The following PTPN14 variants were observed in gnomAD, a reference collection of about 807,000 sequenced individuals.
PTPN14 encodes the protein protein tyrosine phosphatase non-receptor type 14.
PTPN14 carries 53 observed loss-of-function variants against 126.8 expected under a neutral mutation model. The ratio of observed to expected loss-of-function variants is 0.42; its 90% CI spans 0.34 to 0.53. The LOEUF (loss-of-function observed/expected upper bound fraction) is 0.53. Ranked by LOEUF, PTPN14 falls within the 20% of genes least tolerant of loss-of-function variation. PTPN14 has a pLI of 0.08. For missense variants in PTPN14, 1,257 were observed against 1,552.9 expected (o/e 0.81, Z 3.20); for synonymous variants, 630 against 599.3 (o/e 1.05, Z -0.75).
intron 1 of PTPN14, among the ~76,000 whole-genome samples, chr1:214,471,420 G>A (rs972604544): frequency 6.6e-6 from 1 of 152,206 alleles, no homozygotes; most frequent in South Asian, 2.1e-4. Flanking sequence ...ACTCACTTAT[G>A]AAGTTAATAC....
chr1:214,541,653 T>C (rs1219587367), intron 1 of PTPN14, among the ~76,000 whole-genome samples: 1 of 152,212 alleles, frequency 6.6e-6, no homozygotes, highest in African/African-American at 2.4e-5. Context: ...GATGGTGATT[T>C]ACCTGTCCAT....
intron 4 of PTPN14, among the ~76,000 whole-genome samples, chr1:214,413,538 T>A (rs1424236873): frequency 6.6e-6 from 1 of 152,126 alleles, no homozygotes; most frequent in Admixed American, 6.5e-5. Flanking sequence ...AAAACAACAG[T>A]CCATGCAGGA....
rs1262596291 is a variant in PTPN14, at chr1:214,470,797, A to AC, written c.-154-5841_-154-5840insG. Reference sequence around the variant, plus strand: ...GAAATTCCATCTCAAAAAAAAAAAAAAAAACTGCACTTGAGTGCCCAACCG... The same window carrying AC: ...GAAATTCCATCTCAAAAAAAAAAAAACAAAACTGCACTTGAGTGCCCAACCG... On this transcript the variant is annotated intron_variant, in intron 1 of 18. Transcript: ENST00000366956. Among the ~76,000 whole-genome samples, 7 of 149,532 alleles carry AC rather than the reference A, an allele frequency of 4.7e-5. No individual in the cohort carries two copies. In the South Asian group the frequency reaches 6.4e-4, roughly 14 times the overall value.
chr1:214,503,538 T>C (rs1408863757), intron 1 of PTPN14, among the ~76,000 whole-genome samples: 2 of 152,236 alleles, frequency 1.3e-5, no homozygotes, highest in African/African-American at 4.8e-5. Flanking sequence ...CTATTTTCAC[T>C]TCAAATCTCG....
rs549847772 is a variant in PTPN14, at chr1:214,397,938, T to C, written c.733A>G (p.Ile245Val). Residue 245 changes from isoleucine to valine, a missense_variant, in exon 8 of 19, where the codon ATT becomes GTT. Physicochemically the swap from Ile to Val is conservative, Grantham distance 29 (BLOSUM62 3). Coordinates refer to ENST00000366956, the MANE Select transcript of PTPN14 (RefSeq NM_005401.5). Reference sequence around the variant, plus strand: ...CTGTATATTACCGCTTGTCTTCCAATTCTGTTCCTCACGAAAATCCCCATA... The same window carrying C: ...CTGTATATTACCGCTTGTCTTCCAACTCTGTTCCTCACGAAAATCCCCATA... Reference protein sequence around the residue: ...FFMGIFVRNRIGRQAVIYRWN... With the variant: ...FFMGIFVRNRVGRQAVIYRWN... The C allele has an allele frequency of 3.1e-6, 5 of 1,611,996 alleles. No individual in the cohort carries two copies. In the South Asian group the frequency reaches 5.5e-5, roughly 18 times the overall value.
At chr1:214,459,149 CT>C (rs5780785) in intron 2 of PTPN14, among the ~76,000 whole-genome samples, 10,062 of 135,646 alleles carry the variant, frequency 0.074, 326 homozygotes, top group South Asian at 0.11. Flanking sequence ...CTCTTTTCTT[CT>C]TTTTTTTTTT....
At chr1:214,426,032 CAAAAAAAAAAAAAAAAA>C (rs66656875) in intron 3 of PTPN14, among the ~76,000 whole-genome samples, 2 of 33,850 alleles carry the variant, frequency 5.9e-5, no homozygotes, top group Non-Finnish European at 1.0e-4. Context: ...GCATAAATCG[CAAAAAAAAAAAAAAAAA>C]AAAAAAAAAG....
Position 214,351,924 on chromosome 1 carries a change from C to G in PTPN14, c.*5998G>C, listed in dbSNP as rs986189781. On this transcript the variant is annotated 3_prime_UTR_variant, in exon 19 of 19. Coordinates refer to ENST00000366956, the MANE Select transcript of PTPN14 (RefSeq NM_005401.5). ...CAACTTCAGGACTGATGCAAAAATC[C>G]TTCCTCTCCCTCTTCCCATTTATAG... The G allele has an allele frequency of 6.6e-6, 1 of 152,134 alleles. No individual in the cohort carries two copies. Among genetic ancestry groups the G allele is most frequent in the African/African-American group, 2.4e-5 (1 of 41,436 alleles). 9.4% of individuals were successfully genotyped at this position (152,134 alleles called of 1,614,324 possible). A position where few individuals can be genotyped will look rare whatever the true frequency, so the allele number is the denominator to read the frequency against.
At chr1:214,420,968 A>C (rs914719955) in intron 3 of PTPN14, among the ~76,000 whole-genome samples, 2 of 152,218 alleles carry the variant, frequency 1.3e-5, no homozygotes, top group African/African-American at 2.4e-5. Flanking sequence ...CTGTCTTAAA[A>C]ATCTCCAATG....
chr1:214,450,344 C>T (rs1191438567), intron 3 of PTPN14, among the ~76,000 whole-genome samples: 1 of 151,004 alleles, frequency 6.6e-6, no homozygotes, highest in Non-Finnish European at 1.5e-5. Flanking sequence ...TGGTGGCAGG[C>T]GCCTATAATC....
chr1:214,441,502 C>T (rs1660035474), intron 3 of PTPN14, among the ~76,000 whole-genome samples: 1 of 152,188 alleles, frequency 6.6e-6, no homozygotes, highest in Non-Finnish European at 1.5e-5. Flanking sequence ...CTGAATGTCC[C>T]AATGCTGATA....
At chr1:214,491,309 A>C (rs1175212757) in intron 1 of PTPN14, among the ~76,000 whole-genome samples, 1 of 152,154 alleles carries the variant, frequency 6.6e-6, no homozygotes, top group Non-Finnish European at 1.5e-5. Context: ...TATGAGCTCT[A>C]TCTACAGCGG....
At chr1:214,522,011 A>G (rs1655273778) in intron 1 of PTPN14, among the ~76,000 whole-genome samples, 1 of 137,136 alleles carries the variant, frequency 7.3e-6, no homozygotes, top group African/African-American at 2.8e-5. Context: ...ATCTCGGCTC[A>G]CTGCAACCTC....
intron 11 of PTPN14, among the ~76,000 whole-genome samples, chr1:214,387,539 C>T (rs1312245869): frequency 1.3e-5 from 2 of 151,748 alleles, no homozygotes; most frequent in South Asian, 2.1e-4. Context: ...ATTATCTGGG[C>T]GTGGCGACAT....
intron 1 of PTPN14, among the ~76,000 whole-genome samples, chr1:214,497,850 G>T (rs552610344): frequency 5.9e-5 from 9 of 151,348 alleles, no homozygotes; most frequent in African/African-American, 2.2e-4. Context: ...TTCTTAGGGG[G>T]AAAAAAAAGG....
intron 11 of PTPN14, among the ~76,000 whole-genome samples, chr1:214,389,187 A>G (rs1057161320): frequency 1.3e-5 from 2 of 152,224 alleles, no homozygotes; most frequent in African/African-American, 4.8e-5. Context: ...AAGGGAATAG[A>G]AATACACAGC....
intron 16 of PTPN14, among the ~76,000 whole-genome samples, chr1:214,371,991 T>G (rs994209749): frequency 6.6e-6 from 1 of 152,178 alleles, no homozygotes; most frequent in Admixed American, 6.5e-5. Flanking sequence ...TTTCAAAACA[T>G]AAATTGGAAT....
chr1:214,519,379 C>A (rs905711394), intron 1 of PTPN14, among the ~76,000 whole-genome samples: 1 of 152,116 alleles, frequency 6.6e-6, no homozygotes, highest in Non-Finnish European at 1.5e-5. Context: ...TGAGTCTGTT[C>A]CCCCACCCCC....
At chr1:214,401,594 G>T in intron 7 of PTPN14, 91 bp downstream of exon 7, 1 of 1,133,892 alleles carries the variant, frequency 8.8e-7, no homozygotes, top group Non-Finnish European at 1.2e-6. Flanking sequence ...AGAAGGCCAA[G>T]CCATTCTGGC....
Sources: gnomAD v4.1 joint callset for allele counts (sites outside exome capture counted in the v4.1 genomes callset) on GRCh38, gnomAD v4.1.1 for gene constraint, MANE v1.5 for transcripts, NCBI Gene and HGNC (gene_info 2026-07-23, HGNC 2026-07-21) for gene names.